Variants in CSK observed in about 807,000 individuals in gnomAD.
The protein encoded by CSK is C-terminal Src kinase, also known as tyrosine-protein kinase CSK.
A neutral mutation model predicts 62.3 loss-of-function variants in CSK; 7 were observed. That is an observed-to-expected ratio of 0.11 (90% confidence interval 0.06 to 0.21). CSK has a LOEUF of 0.21. Among genes scored for constraint, CSK ranks in the 10% least tolerant of loss-of-function variants. The pLI, the probability that CSK is intolerant of heterozygous loss-of-function variation, is 1.00. For missense variants in CSK, 294 were observed against 613.5 expected (o/e 0.48, Z 5.50); for synonymous variants, 237 against 246.0 (o/e 0.96, Z 0.34).
At chr15:74,784,574 A>G (rs939130036) in intron 1 of CSK, among the ~76,000 whole-genome samples, 17 of 152,032 alleles carry the variant, frequency 1.1e-4, no homozygotes, top group Non-Finnish European at 2.4e-4. Flanking sequence ...TTCTCTCTGC[A>G]TTGGGTCAGG....
chr15:74,798,148 G>T lies in CSK; in HGVS notation c.-65-85G>T. On this transcript the variant is annotated intron_variant, in intron 1 of 12. Coordinates refer to ENST00000220003, the MANE Select transcript of CSK (RefSeq NM_004383.3). This position sits in a 1 kb window ranked among gnomAD's most constrained non-coding sequence, Gnocchi z 6.6. ...CCAGCGCAGGACACTCTTGGCACCT[G>T]TTCATGCCCAGTGAGGAGCCAGATC... 1.3e-6 allele frequency: 1 copy of T among 783,778 alleles called. No individual in the cohort carries two copies. 48.6% of individuals were successfully genotyped at this position (783,778 alleles called of 1,614,324 possible).
Position 74,798,685 on chromosome 15 carries a change from C to T in CSK, c.86C>T (p.Pro29Leu). 6.2e-7 allele frequency: 1 copy of T among 1,613,776 alleles called. No homozygotes were observed. The highest frequency in any genetic ancestry group is 8.5e-7 in the Non-Finnish European group (1 of 1,180,032). ...CACGGCACTGCCGAGCAGGACCTGC[C>T]CTTCTGCAAAGGAGACGTGCTCACC... The part of the protein sequence containing the change: ...NFHGTAEQDL[P>L]FCKGDVLTIV... The change falls in exon 3 of 13, where the codon CCC (proline) becomes CTC (leucine). Residue 29 changes from proline (P) to leucine (L), a missense_variant. Physicochemically the swap from Pro to Leu is moderately conservative, Grantham distance 98. Around this residue, in one of 3 missense-constraint regions of CSK, gnomAD observed 202 missense variants for 415.7 expected, o/e 0.49. Transcript: ENST00000220003. This position sits in a 1 kb window ranked among gnomAD's most constrained non-coding sequence, Gnocchi z 6.6.
intron 5 of CSK, 124 bp from the exon 6 acceptor site, chr15:74,800,288 T>G (rs1207596658): frequency 5.1e-6 from 4 of 787,046 alleles, no homozygotes; most frequent in Non-Finnish European, 8.6e-6. Flanking sequence ...TGGGGAGCCC[T>G]CCCCACTCAG....
At chr15:74,789,514 C>T (rs2063583963) in intron 1 of CSK, among the ~76,000 whole-genome samples, 1 of 152,226 alleles carries the variant, frequency 6.6e-6, no homozygotes, top group South Asian at 2.1e-4. Context: ...ACTTGCCCAA[C>T]TGCTGGTGGG....
chr15:74,801,199 A>T, intron 9 of CSK, 97 bp downstream of exon 9: 1 of 1,401,356 alleles, frequency 7.1e-7, no homozygotes. Flanking sequence ...CCCGACCCCA[A>T]GTGAGCTTTT....
intron 5 of CSK, 84 bp from the exon 6 acceptor site, chr15:74,800,328 G>C: frequency 7.9e-7 from 1 of 1,263,692 alleles, no homozygotes; most frequent in Non-Finnish European, 1.1e-6. Flanking sequence ...GCTGGCCTCT[G>C]CCGCCCTCTG....
At position 74,782,093 on chromosome 15, in the gene CSK, G is replaced by C. The variant is rs1416074421; in HGVS notation, c.-693G>C. The C allele has an allele frequency of 6.8e-6, 1 of 147,880 alleles. No homozygotes were observed. The highest frequency in any genetic ancestry group is 1.5e-5 in the Non-Finnish European group (1 of 66,062). The allele number at this position is 147,880 out of a possible 1,614,324, so 9.2% of individuals were successfully genotyped here. A position where few individuals can be genotyped will look rare whatever the true frequency, so the allele number is the denominator to read the frequency against. Reference sequence around the variant, plus strand: ...GCCGCGGGCGGAGGATCCGGGCCGCGCTTCCTCTCGCCAGGCCTGCGAGCT... The same window carrying C: ...GCCGCGGGCGGAGGATCCGGGCCGCCCTTCCTCTCGCCAGGCCTGCGAGCT... On this transcript the variant is annotated 5_prime_UTR_variant, in exon 1 of 13. Coordinates refer to ENST00000220003, the MANE Select transcript of CSK (RefSeq NM_004383.3). This position sits in a 1 kb window ranked among gnomAD's most constrained non-coding sequence, Gnocchi z 5.7.
At chr15:74,800,330 C>A in intron 5 of CSK, 82 bp from the exon 6 acceptor site, 1 of 1,280,596 alleles carries the variant, frequency 7.8e-7, no homozygotes, top group Non-Finnish European at 1.1e-6. Flanking sequence ...TGGCCTCTGC[C>A]GCCCTCTGGT....
Position 74,799,506 on chromosome 15 carries a change from A to G in CSK, c.462+15A>G, listed in dbSNP as rs937400969. The G allele has an allele frequency of 1.9e-6, 3 of 1,608,782 alleles. No homozygotes were observed. The highest frequency in any genetic ancestry group is 1.3e-5 in the African/African-American group (1 of 74,988). The stretch of plus-strand genomic sequence containing the variant: ...AGCTGGTGGAGGTGAGCTGGGGGGT[A>G]CAGAGCCTTGCTCCCACCCTCACAC... On this transcript the variant is annotated intron_variant, in intron 5 of 12. Coordinates refer to ENST00000220003, the MANE Select transcript of CSK (RefSeq NM_004383.3).
rs2063441949 is a variant in CSK at position 74,782,100 on chromosome 15, C to G, written c.-686C>G. ...GCGGAGGATCCGGGCCGCGCTTCCTCTCGCCAGGCCTGCGAGCTTCCTCCC... is the reference window on the plus strand; with the variant it reads ...GCGGAGGATCCGGGCCGCGCTTCCTGTCGCCAGGCCTGCGAGCTTCCTCCC... On this transcript the variant is annotated 5_prime_UTR_variant, in exon 1 of 13. Transcript: ENST00000220003. This position sits in a 1 kb window ranked among gnomAD's most constrained non-coding sequence, Gnocchi z 5.7. 1 of 148,044 alleles carries G rather than the reference C, an allele frequency of 6.8e-6. No homozygotes were observed. Among genetic ancestry groups the G allele is most frequent in the African/African-American group, 2.4e-5 (1 of 40,974 alleles). The allele number at this position is 148,044 out of a possible 1,614,324, so 9.2% of individuals were successfully genotyped here. A position where few individuals can be genotyped will look rare whatever the true frequency, so the allele number is the denominator to read the frequency against.
intron 4 of CSK, 96 bp from the exon 5 acceptor site, chr15:74,799,176 G>A (rs897905276): frequency 9.0e-6 from 12 of 1,339,902 alleles, no homozygotes; most frequent in African/African-American, 4.3e-5. Flanking sequence ...GAGCGAGTGC[G>A]AGCCACGGGT....
Position 74,800,276 on chromosome 15 carries a change from A to G in CSK, c.463-136A>G. The G allele has an allele frequency of 4.2e-6, 3 of 713,344 alleles. No individual in the cohort carries two copies. In the South Asian group the frequency reaches 4.9e-5, roughly 12 times the overall value. 44.2% of individuals were successfully genotyped at this position (713,344 alleles called of 1,614,324 possible). A position where few individuals can be genotyped will look rare whatever the true frequency, so the allele number is the denominator to read the frequency against. On this transcript the variant is annotated intron_variant, in intron 5 of 12. Coordinates refer to ENST00000220003, the MANE Select transcript of CSK (RefSeq NM_004383.3). The stretch of plus-strand genomic sequence containing the variant: ...CTTCCCTAACCCCTGCCCTACCAGA[A>G]ATGGGGAGCCCTCCCCACTCAGTGA...
intron 6 of CSK, 29 bp downstream of exon 6, chr15:74,800,534 C>T (rs1026653181): frequency 1.2e-6 from 2 of 1,601,060 alleles, no homozygotes; most frequent in Non-Finnish European, 1.7e-6. Flanking sequence ...AGACCTCTTG[C>T]CCACCCACCT....
At chr15:74,786,013 T>TTTGTGTGTGTGTG in intron 1 of CSK, among the ~76,000 whole-genome samples, 1 of 47,838 alleles carries the variant, frequency 2.1e-5, no homozygotes, top group Non-Finnish European at 5.5e-5. Flanking sequence ...TTTTTTTTTT[T>TTTGTGTGTGTGTG]TGTGTGTGTG....
At chr15:74,801,491 C>T in intron 9 of CSK, 31 bp from the exon 10 acceptor site, 4 of 1,598,522 alleles carry the variant, frequency 2.5e-6, no homozygotes, top group Non-Finnish European at 2.6e-6. Flanking sequence ...GCACGTCTGA[C>T]CTCGGCCTGG....
At chr15:74,792,084 T>G (rs549815915) in intron 1 of CSK, among the ~76,000 whole-genome samples, 1 of 152,204 alleles carries the variant, frequency 6.6e-6, no homozygotes, top group South Asian at 2.1e-4. Context: ...TCTAGAGATC[T>G]CCCCTGGCCC....
At chr15:74,790,001 C>T (rs370357485) in intron 1 of CSK, among the ~76,000 whole-genome samples, 8 of 152,184 alleles carry the variant, frequency 5.3e-5, no homozygotes, top group African/African-American at 1.4e-4. Flanking sequence ...CTTCTCCACC[C>T]GGATATCCTG....
At chr15:74,783,678 G>A (rs2063472659) in intron 1 of CSK, among the ~76,000 whole-genome samples, 1 of 152,236 alleles carries the variant, frequency 6.6e-6, no homozygotes, top group Non-Finnish European at 1.5e-5. Context: ...GCAGAGGGCT[G>A]GAGGGAGTGA....
intron 1 of CSK, among the ~76,000 whole-genome samples, chr15:74,783,166 G>A: frequency 6.6e-6 from 1 of 152,004 alleles, no homozygotes; most frequent in East Asian, 1.9e-4. Flanking sequence ...CTGCAAGCAA[G>A]CCCAGGGCCC....
Sources: allele counts gnomAD v4.1 joint callset (sites outside exome capture counted in the v4.1 genomes callset), GRCh38; gene constraint gnomAD v4.1.1; regional missense constraint gnomAD v4.1.1; non-coding constraint Gnocchi (gnomAD v3.1); transcripts MANE v1.5; gene names NCBI Gene and HGNC (gene_info 2026-07-23, HGNC 2026-07-21).